The following GRIA2 variants were observed in gnomAD, a reference collection of about 807,000 sequenced individuals.
The protein encoded by GRIA2 is glutamate receptor 2.
GRIA2 carries 14 observed loss-of-function variants against 97.3 expected under a neutral mutation model. That is an observed-to-expected ratio of 0.14 (90% confidence interval 0.10 to 0.23). GRIA2 has a LOEUF of 0.23. GRIA2 is among the 10% of genes least tolerant of loss of function. The pLI, the probability that GRIA2 is intolerant of heterozygous loss-of-function variation, is 1.00. For missense variants in GRIA2, 558 were observed against 1,069.8 expected (o/e 0.52, Z 6.67); for synonymous variants, 412 against 387.8 (o/e 1.06, Z -0.73).
chr4:157,330,706 C>T (rs76194773), intron 6 of GRIA2, among the ~76,000 whole-genome samples: 1 of 151,818 alleles, frequency 6.6e-6, no homozygotes, highest in Admixed American at 6.6e-5. Context: ...ACATTTAAAG[C>T]AAAGTAAAAA....
At chr4:157,239,246 C>CTA (rs1730390371) in intron 2 of GRIA2, among the ~76,000 whole-genome samples, 1 of 152,008 alleles carries the variant, frequency 6.6e-6, no homozygotes, top group South Asian at 2.1e-4. Context: ...TTAATAATGC[C>CTA]TATAATATAT....
At chr4:157,250,601 A>G (rs1730977915) in intron 2 of GRIA2, among the ~76,000 whole-genome samples, 1 of 152,140 alleles carries the variant, frequency 6.6e-6, no homozygotes, top group Non-Finnish European at 1.5e-5. Flanking sequence ...TTCACGAGAT[A>G]CAGATCTATA....
chr4:157,230,375 T>G (rs1032631287), intron 2 of GRIA2, among the ~76,000 whole-genome samples: 3 of 152,164 alleles, frequency 2.0e-5, no homozygotes, highest in African/African-American at 7.2e-5. Context: ...AGATTGAAAT[T>G]ACTATATTTC....
chr4:157,275,025 G>A (rs367831305), intron 2 of GRIA2, among the ~76,000 whole-genome samples: 102 of 151,360 alleles, frequency 6.7e-4, no homozygotes, highest in African/African-American at 1.9e-3. Flanking sequence ...CCTCTCCAGC[G>A]CCTGTTGTTT....
In GRIA2 at chr4:157,268,047, A is replaced by G. The variant is rs72962838; in HGVS notation, c.230-35505A>G. Among the ~76,000 whole-genome samples the G allele has an allele frequency of 5.0e-3, 765 of 152,208 alleles. 4 individuals carry two copies. Among genetic ancestry groups the G allele is most frequent in the African/African-American group, 0.017 (727 of 41,558 alleles). On this transcript the variant is annotated intron_variant, in intron 2 of 15. Coordinates refer to ENST00000264426, the MANE Select transcript of GRIA2 (RefSeq NM_001083619.3). ...GAGAGATTTAGGGCAATCAAATGAA[A>G]TGTTCCTTTAAATAGTCGATTTTAA...
intron 2 of GRIA2, among the ~76,000 whole-genome samples, chr4:157,270,514 C>T (rs985974734): frequency 6.6e-6 from 1 of 152,088 alleles, no homozygotes; most frequent in Non-Finnish European, 1.5e-5. Context: ...TATGAGCAAA[C>T]AGCTCATTAT....
intron 2 of GRIA2, among the ~76,000 whole-genome samples, chr4:157,247,915 A>G (rs986867662): frequency 6.6e-6 from 1 of 152,054 alleles, no homozygotes; most frequent in Non-Finnish European, 1.5e-5. Flanking sequence ...TCTGGATTAC[A>G]AGACAGACGC....
intron 2 of GRIA2, among the ~76,000 whole-genome samples, chr4:157,251,483 A>G (rs1731020728): frequency 6.6e-6 from 1 of 152,058 alleles, no homozygotes; most frequent in Admixed American, 6.6e-5. Flanking sequence ...AAAGTTTTTC[A>G]CTGGAGTCTG....
chr4:157,354,741 G>A (rs1366809561), intron 12 of GRIA2, among the ~76,000 whole-genome samples: 2 of 152,104 alleles, frequency 1.3e-5, no homozygotes, highest in Admixed American at 1.3e-4. Flanking sequence ...AAGGGTCCCA[G>A]CACTGAGAGG....
intron 2 of GRIA2, among the ~76,000 whole-genome samples, chr4:157,266,661 C>T (rs2126780571): frequency 6.6e-6 from 1 of 152,048 alleles, no homozygotes; most frequent in African/African-American, 2.4e-5. Flanking sequence ...GGGCCATGGA[C>T]TTATCTGGAG....
intron 3 of GRIA2, among the ~76,000 whole-genome samples, chr4:157,305,197 GT>G (rs1733790049): frequency 6.6e-6 from 1 of 152,076 alleles, no homozygotes; most frequent in African/African-American, 2.4e-5. Context: ...AGTATTTTGT[GT>G]TGTTCAAGCT....
chr4:157,234,421 A>C (rs897035138), intron 2 of GRIA2, among the ~76,000 whole-genome samples: 1 of 152,132 alleles, frequency 6.6e-6, no homozygotes, highest in African/African-American at 2.4e-5. Flanking sequence ...ACTAGTGAAC[A>C]TGTACATTTT....
intron 4 of GRIA2, among the ~76,000 whole-genome samples, chr4:157,313,999 T>TA (rs1734202860): frequency 6.6e-6 from 1 of 152,146 alleles, no homozygotes; most frequent in African/African-American, 2.4e-5. Context: ...TGGATCATCA[T>TA]AAAAGCCTTC....
chr4:157,313,652 A>G (rs1734184219), intron 4 of GRIA2, among the ~76,000 whole-genome samples: 2 of 152,098 alleles, frequency 1.3e-5, no homozygotes, highest in South Asian at 2.1e-4. Flanking sequence ...CAGCATCAAC[A>G]TTATGATTGA....
chr4:157,316,431 CT>C (rs1278398968), intron 4 of GRIA2, among the ~76,000 whole-genome samples: 4 of 152,114 alleles, frequency 2.6e-5, no homozygotes, highest in African/African-American at 9.7e-5. Context: ...TGTTCTTGCT[CT>C]TTAACTAATA....
intron 3 of GRIA2, among the ~76,000 whole-genome samples, chr4:157,307,013 G>T (rs924781055): frequency 1.5e-4 from 23 of 152,046 alleles, no homozygotes; most frequent in African/African-American, 5.1e-4. Context: ...TGTTCTTGAT[G>T]GGCTGTCTCT....
chr4:157,222,712 G>A (rs1729559471), intron 2 of GRIA2, among the ~76,000 whole-genome samples: 1 of 152,210 alleles, frequency 6.6e-6, no homozygotes, highest in Admixed American at 6.5e-5. Flanking sequence ...AGCCATTTTA[G>A]TCTTTGCAAT....
At chr4:157,233,788 T>C (rs1730125399) in intron 2 of GRIA2, among the ~76,000 whole-genome samples, 1 of 152,158 alleles carries the variant, frequency 6.6e-6, no homozygotes, top group Admixed American at 6.5e-5. Flanking sequence ...TTATGTATAA[T>C]TTTTTTCTTT....
chr4:157,259,195 T>C lies in GRIA2; in HGVS notation c.229+37388T>C, dbSNP rs142883884. Among the ~76,000 whole-genome samples, 53 of 152,142 alleles carry C rather than the reference T, an allele frequency of 3.5e-4. No individual in the cohort carries two copies. The East Asian group carries it at 9.5e-3, about 27-fold the overall frequency. ...GTATGCCATGCTTGAGCCACTGCACTCCAGCCTGGGAAACACAGTGAGACC... is the reference window on the plus strand; with the variant it reads ...GTATGCCATGCTTGAGCCACTGCACCCCAGCCTGGGAAACACAGTGAGACC... On this transcript the variant is annotated intron_variant, in intron 2 of 15. Transcript: ENST00000264426.
Sources: gnomAD v4.1 joint callset for allele counts (sites outside exome capture counted in the v4.1 genomes callset) on GRCh38, gnomAD v4.1.1 for gene constraint, MANE v1.5 for transcripts, NCBI Gene and HGNC (gene_info 2026-07-23, HGNC 2026-07-21) for gene names.